NTM: variants seen among roughly 807,000 people sequenced by gnomAD.
NTM encodes the protein IgLON family member 2.
NTM carries 13 observed loss-of-function variants against 42.1 expected under a neutral mutation model. That is an observed-to-expected ratio of 0.31 (90% confidence interval 0.20 to 0.49). The LOEUF is 0.49. Ranked by LOEUF, NTM falls within the 20% of genes least tolerant of loss-of-function variation. The pLI is 0.99. For synonymous variants in NTM, 187 were observed against 179.2 expected, an observed-to-expected ratio of 1.04 and a Z score of -0.35; for missense variants, 373 against 452.8, an observed-to-expected ratio of 0.82 and a Z score of 1.60.
At chr11:132,142,276 A>T (rs751793822) in intron 2 of NTM, among the ~76,000 whole-genome samples, 45 of 152,192 alleles carry the variant, frequency 3.0e-4, no homozygotes, top group Non-Finnish European at 6.0e-4. Context: ...CACCTGGATG[A>T]GTCAGGGACA....
intron 1 of NTM, among the ~76,000 whole-genome samples, chr11:131,819,433 C>G (rs1158747878): frequency 6.6e-6 from 1 of 152,218 alleles, no homozygotes; most frequent in Non-Finnish European, 1.5e-5. Context: ...CCTGCTCACT[C>G]ACATACCCGC....
At chr11:132,016,630 G>T (rs756171307) in intron 2 of NTM, among the ~76,000 whole-genome samples, 1 of 151,886 alleles carries the variant, frequency 6.6e-6, no homozygotes, top group Non-Finnish European at 1.5e-5. Flanking sequence ...TTATGTGAAC[G>T]TATGTTTTCA....
intron 1 of NTM, among the ~76,000 whole-genome samples, chr11:131,511,840 A>C (rs1349545479): frequency 6.6e-6 from 1 of 152,156 alleles, no homozygotes; most frequent in Non-Finnish European, 1.5e-5. Context: ...ATTGTAACTG[A>C]AAGCACTTTG....
intron 1 of NTM, among the ~76,000 whole-genome samples, chr11:131,712,629 G>A (rs2077294088): frequency 6.7e-6 from 1 of 149,182 alleles, no homozygotes; most frequent in Non-Finnish European, 1.5e-5. Flanking sequence ...TTTTTTTTAA[G>A]ACAGGATCTC....
intron 2 of NTM, among the ~76,000 whole-genome samples, chr11:132,018,485 T>A (rs1227659193): frequency 6.6e-6 from 1 of 151,986 alleles, no homozygotes; most frequent in Non-Finnish European, 1.5e-5. Flanking sequence ...TCTTTTGAGA[T>A]GATCATGTGG....
At chr11:131,827,127 C>T (rs555986744) in intron 1 of NTM, among the ~76,000 whole-genome samples, 1 of 152,174 alleles carries the variant, frequency 6.6e-6, no homozygotes, top group East Asian at 1.9e-4. Flanking sequence ...ATTATTCCCA[C>T]CTTCATTACC....
At chr11:131,515,584 C>G (rs867106420) in intron 1 of NTM, among the ~76,000 whole-genome samples, 2 of 152,124 alleles carry the variant, frequency 1.3e-5, no homozygotes, top group African/African-American at 2.4e-5. Flanking sequence ...GGGTTCAAGG[C>G]GAGAATTGTA....
At chr11:132,258,463 T>C (rs2092642698) in intron 4 of NTM, among the ~76,000 whole-genome samples, 1 of 152,188 alleles carries the variant, frequency 6.6e-6, no homozygotes, top group Non-Finnish European at 1.5e-5. Context: ...ATATTTTAAA[T>C]AGGATGTGCC....
At chr11:132,085,208 C>T (rs1438110603) in intron 2 of NTM, among the ~76,000 whole-genome samples, 1 of 152,204 alleles carries the variant, frequency 6.6e-6, no homozygotes, top group East Asian at 1.9e-4. Context: ...ACTAAAGACA[C>T]ATTTTACTGT....
chr11:131,634,293 G>T (rs1303328188), intron 1 of NTM, among the ~76,000 whole-genome samples: 1 of 152,132 alleles, frequency 6.6e-6, no homozygotes, highest in Non-Finnish European at 1.5e-5. Flanking sequence ...GGCTGAAATT[G>T]AAAGTTAACT....
At chr11:131,908,506 G>A (rs992685046) in intron 1 of NTM, among the ~76,000 whole-genome samples, 2 of 152,202 alleles carry the variant, frequency 1.3e-5, no homozygotes, top group Non-Finnish European at 2.9e-5. Flanking sequence ...GGCCTCTAGG[G>A]AAATGACTGC....
At chr11:132,325,462 G>A (rs370339502) in intron 7 of NTM, among the ~76,000 whole-genome samples, 18 of 152,122 alleles carry the variant, frequency 1.2e-4, no homozygotes, top group South Asian at 4.2e-4. Flanking sequence ...CAAAACCACA[G>A]TGAGATACCA....
intron 1 of NTM, among the ~76,000 whole-genome samples, chr11:131,410,328 A>G (rs1380292736): frequency 2.0e-5 from 3 of 151,776 alleles, no homozygotes; most frequent in Non-Finnish European, 4.4e-5. Context: ...AAATAAATAA[A>G]TTAATAAATT....
intron 2 of NTM, among the ~76,000 whole-genome samples, chr11:132,078,922 T>A (rs991067813): frequency 6.6e-6 from 1 of 152,138 alleles, no homozygotes; most frequent in Non-Finnish European, 1.5e-5. Flanking sequence ...TAAGGAGAAG[T>A]CCAACTTTAG....
rs573693506 is a variant in NTM, at chr11:131,405,794, C to T, written c.82+34906C>T. On this transcript the variant is annotated intron_variant, in intron 1 of 8. Transcript: ENST00000683400. ...CCTCCACTTGCCTCTTAGAGACCCT[C>T]ATACATCCCCATCTTCCTCAGTGAG... 1.4e-4 allele frequency among the ~76,000 whole-genome samples: 21 copies of T among 152,344 alleles called. No homozygotes were observed. In the South Asian group the frequency reaches 4.3e-3, roughly 32 times the overall value.
chr11:132,128,767 A>T (rs1187215907), intron 2 of NTM, among the ~76,000 whole-genome samples: 3 of 151,642 alleles, frequency 2.0e-5, no homozygotes, highest in South Asian at 2.1e-4. Context: ...AAAATAATAA[A>T]AAATAAAAAA....
intron 2 of NTM, among the ~76,000 whole-genome samples, chr11:132,009,713 A>G (rs79250540): frequency 0.012 from 1,789 of 152,304 alleles, 41 homozygotes; most frequent in African/African-American, 0.041. Context: ...AAACTCCTAG[A>G]CCAAATTGCC....
chr11:132,201,771 T>C (rs1245767284), intron 3 of NTM, among the ~76,000 whole-genome samples: 1 of 152,232 alleles, frequency 6.6e-6, no homozygotes, highest in Non-Finnish European at 1.5e-5. Flanking sequence ...GCAGAGTGAT[T>C]AGTAATTCAC....
chr11:131,873,634 TACACATATATATATAC>T (rs1283367276), intron 1 of NTM, among the ~76,000 whole-genome samples: 1 of 128,298 alleles, frequency 7.8e-6, no homozygotes, highest in African/African-American at 3.2e-5. Context: ...CATATATATA[TACACATATATATATAC>T]ACACATATAT....
Sources: gnomAD v4.1 joint callset for allele counts (sites outside exome capture counted in the v4.1 genomes callset) on GRCh38, gnomAD v4.1.1 for gene constraint, MANE v1.5 for transcripts, NCBI Gene and HGNC (gene_info 2026-07-23, HGNC 2026-07-21) for gene names.